PNLIPRP3: variants seen among roughly 807,000 people sequenced by gnomAD.
PNLIPRP3 encodes pancreatic lipase related protein 3.
A neutral mutation model predicts 52.8 loss-of-function variants in PNLIPRP3; 58 were observed. The ratio of observed to expected loss-of-function variants is 1.10; its 90% CI spans 0.89 to 1.37. PNLIPRP3 has a LOEUF of 1.37. Among genes scored for constraint, PNLIPRP3 ranks in the 40% most tolerant of loss-of-function variants. The pLI is 0.00. For synonymous variants in PNLIPRP3, 192 were observed against 185.0 expected (o/e 1.04, Z -0.31); for missense variants, 593 against 561.6 (o/e 1.06, Z -0.57).
chr10:116,466,999 C>G (rs1286550386), intron 8 of PNLIPRP3, among the ~76,000 whole-genome samples: 1 of 152,180 alleles, frequency 6.6e-6, no homozygotes, highest in African/African-American at 2.4e-5. Flanking sequence ...CCCGACCTCT[C>G]TCTTCTTCCT....
In PNLIPRP3 at chr10:116,440,508, A is replaced by T. The variant is rs576317492; in HGVS notation, c.205-2547A>T. Among the ~76,000 whole-genome samples the T allele has an allele frequency of 3.3e-5, 5 of 152,296 alleles. No homozygotes were observed. The South Asian group carries it at 1.0e-3, about 32-fold the overall frequency. On this transcript the variant is annotated intron_variant, in intron 2 of 11. Transcript: ENST00000369230. ...GTTTTTCTAACAACTGTGATATAGGATGAGTCAAGGTGTGTAATTAAAATA... is the reference window on the plus strand; with the variant it reads ...GTTTTTCTAACAACTGTGATATAGGTTGAGTCAAGGTGTGTAATTAAAATA...
chr10:116,431,319 T>A (rs1306284630), intron 1 of PNLIPRP3, among the ~76,000 whole-genome samples: 8 of 152,182 alleles, frequency 5.3e-5, no homozygotes, highest in Admixed American at 4.6e-4. Flanking sequence ...CCCATCTCAC[T>A]TCAGAGTAAG....
chr10:116,439,509 T>A, intron 2 of PNLIPRP3: 1 of 766,358 alleles, frequency 1.3e-6, no homozygotes, highest in South Asian at 1.4e-5. Flanking sequence ...ATCCTCCTCT[T>A]CCACTTTTTT....
chr10:116,461,248 A>G lies in PNLIPRP3; in HGVS notation c.766A>G (p.Ile256Val). ...GKHMPGCEDL[I>V]TPLLKFNFNA... is the part of the protein sequence containing the mutation. The stretch of plus-strand genomic sequence containing the variant: ...GCACATGCCAGGATGTGAAGACTTA[A>G]TTACACCTTTACTGAAATTTAACTT... Residue 256 changes from isoleucine to valine, a missense_variant, in exon 7 of 12, where the codon ATT (isoleucine) becomes GTT (valine). By Grantham distance (29) the Ile-to-Val change is conservative. Transcript: ENST00000369230. The G allele has an allele frequency of 6.2e-7, 1 of 1,613,544 alleles. No individual in the cohort carries two copies. Among genetic ancestry groups the G allele is most frequent in the African/African-American group, 1.3e-5 (1 of 75,038 alleles).
At chr10:116,473,360 G>C (rs1263616440) in intron 10 of PNLIPRP3, among the ~76,000 whole-genome samples, 1 of 152,112 alleles carries the variant, frequency 6.6e-6, no homozygotes, top group Non-Finnish European at 1.5e-5. Flanking sequence ...AACATGAAAA[G>C]ACAGATCTAG....
intron 3 of PNLIPRP3, 99 bp from the exon 4 acceptor site, chr10:116,444,283 A>G (rs1473161529): frequency 9.5e-7 from 1 of 1,050,206 alleles, no homozygotes; most frequent in South Asian, 1.9e-5. Flanking sequence ...AACCATATCA[A>G]CCTACTAGTA....
Position 116,477,365 on chromosome 10 carries a change from A to G in PNLIPRP3, c.*212A>G, listed in dbSNP as rs1018822283. The G allele has an allele frequency of 2.5e-6, 1 of 398,354 alleles. No homozygotes were observed. The highest frequency in any genetic ancestry group is 2.1e-5 in the African/African-American group (1 of 47,800). The allele number at this position is 398,354 out of a possible 1,614,324, so 24.7% of individuals were successfully genotyped here. ...CACACTGAACCCTGGGACAAAAGAT[A>G]ATTACTATGATCTGTAGGAATCTGG... On this transcript the variant is annotated 3_prime_UTR_variant, in exon 12 of 12. Coordinates refer to ENST00000369230, the MANE Select transcript of PNLIPRP3 (RefSeq NM_001011709.3).
intron 2 of PNLIPRP3, among the ~76,000 whole-genome samples, chr10:116,438,470 T>C (rs916092373): frequency 2.0e-5 from 3 of 152,212 alleles, no homozygotes; most frequent in Admixed American, 2.0e-4. Context: ...GTCTGATTTG[T>C]AGCTCTCTAC....
At chr10:116,431,355 T>A (rs1448662196) in intron 1 of PNLIPRP3, among the ~76,000 whole-genome samples, 1 of 152,188 alleles carries the variant, frequency 6.6e-6, no homozygotes, top group Non-Finnish European at 1.5e-5. Flanking sequence ...AAATGCTACA[T>A]GCTTTAGCCC....
chr10:116,465,961 T>A lies in PNLIPRP3; in HGVS notation c.809-89T>A. The A allele has an allele frequency of 3.2e-6, 3 of 932,716 alleles. No homozygotes were observed. In the East Asian group the frequency reaches 7.2e-5, roughly 22 times the overall value. 57.8% of individuals were successfully genotyped at this position (932,716 alleles called of 1,614,324 possible). A position where few individuals can be genotyped will look rare whatever the true frequency, so the allele number is the denominator to read the frequency against. ...TCTGGCCCTCCCAACTCAAGAAGACTGCCACTTACAGTTACTGTTTCTAAG... is the reference window on the plus strand; with the variant it reads ...TCTGGCCCTCCCAACTCAAGAAGACAGCCACTTACAGTTACTGTTTCTAAG... On this transcript the variant is annotated intron_variant, in intron 7 of 11. Coordinates refer to ENST00000369230, the MANE Select transcript of PNLIPRP3 (RefSeq NM_001011709.3).
At chr10:116,474,837 A>G (rs775259724) in intron 10 of PNLIPRP3, among the ~76,000 whole-genome samples, 1 of 152,246 alleles carries the variant, frequency 6.6e-6, no homozygotes, top group Non-Finnish European at 1.5e-5. Context: ...GAACACCTAT[A>G]CACTGCTGGT....
intron 4 of PNLIPRP3, among the ~76,000 whole-genome samples, chr10:116,450,726 A>C (rs541600644): frequency 9.2e-5 from 14 of 152,314 alleles, no homozygotes; most frequent in African/African-American, 3.1e-4. Flanking sequence ...AATTCCTAGA[A>C]ACATACAACA....
intron 4 of PNLIPRP3, among the ~76,000 whole-genome samples, chr10:116,449,909 A>G (rs1054033641): frequency 3.3e-5 from 5 of 152,228 alleles, no homozygotes; most frequent in Admixed American, 3.3e-4. Flanking sequence ...TTTCTTGACC[A>G]CAGTAGAATG....
At chr10:116,458,783 C>T (rs1589985574) in intron 5 of PNLIPRP3, among the ~76,000 whole-genome samples, 1 of 152,100 alleles carries the variant, frequency 6.6e-6, no homozygotes, top group East Asian at 1.9e-4. Context: ...TCAATAGAAG[C>T]GCTGTGCTGA....
At chr10:116,459,671 G>C (rs1452650900) in intron 5 of PNLIPRP3, among the ~76,000 whole-genome samples, 1 of 152,186 alleles carries the variant, frequency 6.6e-6, no homozygotes, top group Non-Finnish European at 1.5e-5. Flanking sequence ...GCTTTCATCT[G>C]GAGGCCGTGT....
chr10:116,473,859 C>G (rs1364767259), intron 10 of PNLIPRP3, among the ~76,000 whole-genome samples: 1 of 142,636 alleles, frequency 7.0e-6, no homozygotes, highest in Non-Finnish European at 1.5e-5. Flanking sequence ...ACGCCCAAAG[C>G]AATTTATAGA....
rs750823243 is a variant in PNLIPRP3, at chr10:116,443,092, C to G, written c.242C>G (p.Ser81Ter). 6.2e-7 allele frequency: 1 copy of G among 1,608,440 alleles called. No individual in the cohort carries two copies. Among genetic ancestry groups the G allele is most frequent in the Non-Finnish European group, 8.5e-7 (1 of 1,175,902 alleles). The change falls in exon 3 of 12, where the codon TCA becomes TGA. Residue 81 changes from serine (S) to a stop codon, truncating the protein, a stop_gained. Coordinates refer to ENST00000369230, the MANE Select transcript of PNLIPRP3 (RefSeq NM_001011709.3). LOFTEE classifies it high-confidence loss of function. The part of the protein sequence containing the change: ...SAVNSSTIQA[S>*]YFGTDKITRI... ...GTTAATTCTTCAACTATCCAAGCCT[C>G]ATATTTTGGAACAGACAAGATCACC...
chr10:116,460,695 A>G (rs992649658), intron 5 of PNLIPRP3, among the ~76,000 whole-genome samples: 1 of 152,170 alleles, frequency 6.6e-6, no homozygotes, highest in African/African-American at 2.4e-5. Context: ...TATATATGGT[A>G]TTCCATATAC....
At chr10:116,429,304 T>C (rs1449333852) in intron 1 of PNLIPRP3, among the ~76,000 whole-genome samples, 1 of 152,204 alleles carries the variant, frequency 6.6e-6, no homozygotes, top group Admixed American at 6.6e-5. Context: ...AGATATCTTA[T>C]TGTGTATATG....
Sources: gnomAD v4.1 joint callset for allele counts (sites outside exome capture counted in the v4.1 genomes callset) on GRCh38, gnomAD v4.1.1 for gene constraint, MANE v1.5 for transcripts, NCBI Gene and HGNC (gene_info 2026-07-23, HGNC 2026-07-21) for gene names.